TNC: variants seen among roughly 807,000 people sequenced by gnomAD.
TNC encodes the protein tenascin.
Under a neutral mutation model 202.4 loss-of-function variants are expected in TNC, and 109 were observed. That is an observed-to-expected ratio of 0.54 (90% confidence interval 0.46 to 0.63). The LOEUF (loss-of-function observed/expected upper bound fraction) is 0.63, where lower values mean the gene tolerates loss of function less well. Among genes scored for constraint, TNC ranks in the 30% least tolerant of loss-of-function variants. The pLI is 0.00. For synonymous variants in TNC, 1,007 were observed against 1,089.7 expected (o/e 0.92, Z 1.50); for missense variants, 2,756 against 2,833.3 (o/e 0.97, Z 0.62).
intron 10 of TNC, among the ~76,000 whole-genome samples, chr9:115,070,272 C>A (rs973940462): frequency 2.6e-5 from 4 of 152,184 alleles, no homozygotes; most frequent in African/African-American, 9.7e-5. Flanking sequence ...TGGGTCATAT[C>A]TGAGCTGCTG....
In TNC at chr9:115,036,089, T is replaced by A. The variant is rs746820583; in HGVS notation, c.5656+9A>T. 6.2e-7 allele frequency: 1 copy of A among 1,614,084 alleles called. No homozygotes were observed. The highest frequency in any genetic ancestry group is 2.2e-5 in the East Asian group (1 of 44,878). ...AAGGGAGAGCTTCCAGCTCTCAGTG[T>A]CTTTGTACCTGTTGTGAACTTGGCA... On this transcript the variant is annotated intron_variant, in intron 21 of 27. Coordinates refer to ENST00000350763, the MANE Select transcript of TNC (RefSeq NM_002160.4).
chr9:115,110,884 T>C (rs1304600678), intron 1 of TNC, among the ~76,000 whole-genome samples: 1 of 151,270 alleles, frequency 6.6e-6, no homozygotes, highest in African/African-American at 2.4e-5. Context: ...CAGAATTTTT[T>C]TTTTTTTTTT....
intron 25 of TNC, among the ~76,000 whole-genome samples, chr9:115,027,725 T>G (rs1049561719): frequency 6.6e-6 from 1 of 152,210 alleles, no homozygotes; most frequent in African/African-American, 2.4e-5. Flanking sequence ...AACAATGTTC[T>G]CTGCAGTTAG....
intron 6 of TNC, among the ~76,000 whole-genome samples, chr9:115,080,257 T>G (rs529096402): frequency 2.6e-5 from 4 of 152,326 alleles, no homozygotes; most frequent in Middle Eastern, 6.8e-3. Flanking sequence ...AAAAGTTCAG[T>G]GCACCTCCTC....
chr9:115,100,669 C>CA (rs1189976567), intron 1 of TNC, among the ~76,000 whole-genome samples: 2 of 152,104 alleles, frequency 1.3e-5, no homozygotes, highest in African/African-American at 4.8e-5. Flanking sequence ...ATGGTGACTA[C>CA]AGTTAATAAT....
chr9:115,114,036 T>C (rs1375593803), intron 1 of TNC, among the ~76,000 whole-genome samples: 1 of 152,216 alleles, frequency 6.6e-6, no homozygotes, highest in African/African-American at 2.4e-5. Flanking sequence ...ACAAAGCATG[T>C]ATAGCCCCCG....
chr9:115,091,497 G>T (rs990815352), intron 1 of TNC, among the ~76,000 whole-genome samples: 2 of 152,176 alleles, frequency 1.3e-5, no homozygotes, highest in Non-Finnish European at 2.9e-5. Context: ...TTCACTTTCT[G>T]TATAGTGAAG....
chr9:115,047,054 C>T (rs1173465996), intron 16 of TNC, among the ~76,000 whole-genome samples: 2 of 152,068 alleles, frequency 1.3e-5, no homozygotes, highest in East Asian at 1.9e-4. Context: ...GTGCCCATCC[C>T]CTGCAAGACC....
At chr9:115,059,409 G>C (rs542850965) in intron 14 of TNC, among the ~76,000 whole-genome samples, 4 of 152,148 alleles carry the variant, frequency 2.6e-5, no homozygotes, top group Non-Finnish European at 5.9e-5. Context: ...CCAAGCACTG[G>C]AGAAGTGAAT....
At chr9:115,021,401 T>G (rs1336328836) in intron 27 of TNC, 134 bp from the exon 28 acceptor site, 1 of 639,962 alleles carries the variant, frequency 1.6e-6, no homozygotes, top group African/African-American at 1.8e-5. Context: ...TTTGACCATT[T>G]GGTATATCAC....
intron 16 of TNC, 25 bp from the exon 17 acceptor site, chr9:115,046,707 G>C (rs1227055279): frequency 1.9e-6 from 3 of 1,610,076 alleles, no homozygotes; most frequent in African/African-American, 1.3e-5. Context: ...AATGGTGGGA[G>C]AAGGAGGAAA....
At position 115,059,932 on chromosome 9, in the gene TNC, G is replaced by C. The variant is rs138026184; in HGVS notation, c.4104C>G (p.Thr1368=). 2.5e-6 allele frequency: 4 copies of C among 1,613,898 alleles called. No individual in the cohort carries two copies. In the African/African-American group the frequency reaches 4.0e-5, roughly 16 times the overall value. The change falls in exon 14 of 28, where the codon ACC becomes ACG. Residue 1368 remains threonine (T), a synonymous_variant. Coordinates refer to ENST00000350763, the MANE Select transcript of TNC (RefSeq NM_002160.4). ...AGTGCTCATAGGCATTGTCAGCTGCGGTCCAGTTGAGTCTGAGGCCATCCC... is the reference window on the plus strand; with the variant it reads ...AGTGCTCATAGGCATTGTCAGCTGCCGTCCAGTTGAGTCTGAGGCCATCCC... ...VGWDGLRLNW[T]AADNAYEHFV... is the part of the protein sequence containing the mutation.
At chr9:115,051,994 A>G (rs1478407436) in intron 15 of TNC, among the ~76,000 whole-genome samples, 2 of 147,156 alleles carry the variant, frequency 1.4e-5, no homozygotes, top group African/African-American at 2.5e-5. Flanking sequence ...GTGTCTGTCA[A>G]TGGATGAATG....
At chr9:115,091,688 A>T (rs796788443) in intron 1 of TNC, among the ~76,000 whole-genome samples, 4 of 152,170 alleles carry the variant, frequency 2.6e-5, no homozygotes, top group Non-Finnish European at 4.4e-5. Context: ...TTTCCACACC[A>T]TCTGCTGGTT....
Position 115,086,320 on chromosome 9 carries a change from G to T in TNC, c.1411C>A (p.Pro471Thr), listed in dbSNP as rs1271606129. 3.1e-6 allele frequency: 5 copies of T among 1,614,022 alleles called. No homozygotes were observed. Among genetic ancestry groups the T allele is most frequent in the Non-Finnish European group, 4.2e-6 (5 of 1,180,028 alleles). ...KGYDCSDMSCPNDCHQHGRCV... is the reference protein window; with the variant it reads ...KGYDCSDMSCTNDCHQHGRCV... ...CGGCCGTGCTGGTGACAGTCATTAG[G>T]GCAGCTCATGTCACTGCAGTCATAG... Residue 471 changes from proline to threonine, a missense_variant, in exon 3 of 28, where the codon CCT (proline) becomes ACT (threonine). Physicochemically the swap from Pro to Thr is conservative, Grantham distance 38. Around this residue, in one of 2 missense-constraint regions of TNC, gnomAD observed 2,559 missense variants for 2,546.0 expected, o/e 1.01. Transcript: ENST00000350763.
intron 10 of TNC, among the ~76,000 whole-genome samples, chr9:115,066,416 T>C (rs1832955407): frequency 6.6e-6 from 1 of 152,264 alleles, no homozygotes; most frequent in Non-Finnish European, 1.5e-5. Flanking sequence ...TAATTTCAAA[T>C]GAGCCTTATG....
intron 27 of TNC, 49 bp from the exon 28 acceptor site, chr9:115,021,316 G>T (rs1829053427): frequency 1.4e-6 from 2 of 1,434,008 alleles, no homozygotes; most frequent in East Asian, 4.5e-5. Flanking sequence ...AAGGCCTCCA[G>T]GTTGGTTACT....
intron 2 of TNC, among the ~76,000 whole-genome samples, chr9:115,088,140 T>C (rs1175220917): frequency 6.6e-6 from 1 of 152,252 alleles, no homozygotes; most frequent in Non-Finnish European, 1.5e-5. Flanking sequence ...TTAGACTATC[T>C]GGAGCTTAGT....
chr9:115,102,438 G>A lies in TNC; in HGVS notation c.-136-11284C>T, dbSNP rs1402770851. ...ATTTCTCAGTGATCATTCAGCGAGGGTTCCAGATGCCTTGAAGGCTTCTAG... is the reference window on the plus strand; with the variant it reads ...ATTTCTCAGTGATCATTCAGCGAGGATTCCAGATGCCTTGAAGGCTTCTAG... On this transcript the variant is annotated intron_variant, in intron 1 of 27. Transcript: ENST00000350763. Among the ~76,000 whole-genome samples the A allele has an allele frequency of 3.9e-5, 6 of 152,314 alleles. No individual in the cohort carries two copies. The East Asian group carries it at 7.7e-4, about 20-fold the overall frequency.
Sources: gnomAD v4.1 joint callset for allele counts (sites outside exome capture counted in the v4.1 genomes callset) on GRCh38, gnomAD v4.1.1 for gene constraint, gnomAD v4.1.1 regional missense constraint, MANE v1.5 for transcripts, NCBI Gene and HGNC (gene_info 2026-07-23, HGNC 2026-07-21) for gene names.